UBAC2: variants seen among roughly 807,000 people sequenced by gnomAD.
UBAC2 encodes the protein UBA domain containing 2, also known as ubiquitin-associated domain-containing protein 2.
In UBAC2, 26 loss-of-function variants were observed where a neutral mutation model predicts 44.0. The observed-to-expected ratio is 0.59, with a 90% CI of 0.43 to 0.82. The LOEUF is 0.82. UBAC2 is among the 40% of genes least tolerant of loss of function. The probability of loss-of-function intolerance (pLI) is 0.00; values close to 1 mark genes in which losing one functional copy is unlikely to be tolerated. For synonymous variants in UBAC2, 155 were observed against 154.3 expected (o/e 1.00, Z -0.04); for missense variants, 329 against 419.4 (o/e 0.78, Z 1.88).
At chr13:99,365,922 T>A (rs184917189) in intron 7 of UBAC2, among the ~76,000 whole-genome samples, 4 of 152,348 alleles carry the variant, frequency 2.6e-5, no homozygotes, top group Non-Finnish European at 5.9e-5. Context: ...TTGTGTTACA[T>A]ATAAATATGA....
chr13:99,255,878 A>C (rs2043545649), intron 4 of UBAC2: 1 of 1,540,832 alleles, frequency 6.5e-7, no homozygotes, highest in Non-Finnish European at 8.7e-7. Flanking sequence ...ATCATTTTAC[A>C]GCTTGTTGGT....
intron 4 of UBAC2, among the ~76,000 whole-genome samples, chr13:99,304,991 G>A (rs1418183422): frequency 6.6e-6 from 1 of 152,208 alleles, no homozygotes; most frequent in Non-Finnish European, 1.5e-5. Flanking sequence ...AGGAAGAGAT[G>A]TTGATTCAAA....
In UBAC2 at chr13:99,385,656, A is replaced by G. The variant is rs1328248746; in HGVS notation, c.*321A>G. Reference sequence around the variant, plus strand: ...TGCAGGCAGTTGAATGGCACTCCAGATGGGGAATTGCTGTAACCCTCTTAC... The same window carrying G: ...TGCAGGCAGTTGAATGGCACTCCAGGTGGGGAATTGCTGTAACCCTCTTAC... On this transcript the variant is annotated 3_prime_UTR_variant, in exon 9 of 9. Transcript: ENST00000403766. 9.8e-6 allele frequency: 3 copies of G among 306,202 alleles called. No homozygotes were observed. Among genetic ancestry groups the G allele is most frequent in the Non-Finnish European group, 1.9e-5 (3 of 159,782 alleles). The allele number at this position is 306,202 out of a possible 1,614,324, so 19.0% of individuals were successfully genotyped here.
chr13:99,287,306 G>C (rs1274542972), intron 4 of UBAC2, among the ~76,000 whole-genome samples: 1 of 152,070 alleles, frequency 6.6e-6, no homozygotes, highest in Non-Finnish European at 1.5e-5. Flanking sequence ...CAGGTACCAG[G>C]TTTCAAGTAG....
At chr13:99,238,725 A>G (rs2043268121) in intron 2 of UBAC2, among the ~76,000 whole-genome samples, 171 bp downstream of exon 2, 1 of 152,200 alleles carries the variant, frequency 6.6e-6, no homozygotes, top group Non-Finnish European at 1.5e-5. Flanking sequence ...TTTCAGCAAA[A>G]CAGATAATAA....
chr13:99,329,907 T>C (rs1175739428), intron 6 of UBAC2, among the ~76,000 whole-genome samples: 1 of 152,186 alleles, frequency 6.6e-6, no homozygotes, highest in East Asian at 1.9e-4. Flanking sequence ...CACTGAGTCT[T>C]AGGTAATTTG....
chr13:99,385,128 T>G (rs2138940545), intron 8 of UBAC2, 100 bp from the exon 9 acceptor site: 1 of 884,158 alleles, frequency 1.1e-6, no homozygotes, highest in African/African-American at 1.7e-5. Flanking sequence ...TTGTAAACAG[T>G]TTTGACCTTT....
At chr13:99,272,712 T>C (rs948136099) in intron 4 of UBAC2, among the ~76,000 whole-genome samples, 1 of 152,142 alleles carries the variant, frequency 6.6e-6, no homozygotes, top group African/African-American at 2.4e-5. Flanking sequence ...AATCTCATCA[T>C]GGGGGCCCCA....
intron 4 of UBAC2, among the ~76,000 whole-genome samples, chr13:99,304,767 T>C (rs2044307408): frequency 6.6e-6 from 1 of 152,212 alleles, no homozygotes; most frequent in Admixed American, 6.5e-5. Flanking sequence ...ACCAAAGACC[T>C]AGCTGTTAAA....
chr13:99,255,126 G>A (rs1415179428), intron 4 of UBAC2: 1 of 1,614,024 alleles, frequency 6.2e-7, no homozygotes, highest in African/African-American at 1.3e-5. Context: ...CGAAACAGAT[G>A]TGGAAGGGCA....
intron 4 of UBAC2, among the ~76,000 whole-genome samples, chr13:99,266,668 C>T (rs2138656063): frequency 6.6e-6 from 1 of 152,152 alleles, no homozygotes; most frequent in South Asian, 2.1e-4. Context: ...GGCCTTAGAA[C>T]AAATTTGACA....
rs113696529 is a variant in UBAC2 at position 99,203,021 on chromosome 13, T to C, written c.31+2082T>C. ...GAGGGAGAAGTGATTTCCTTTGTTT[T>C]ATTTTATTTATTTATTTATTTATTT... On this transcript the variant is annotated intron_variant, in intron 1 of 8. Coordinates refer to ENST00000403766, the MANE Select transcript of UBAC2 (RefSeq NM_001144072.2). Among the ~76,000 whole-genome samples, 410 of 120,204 alleles carry C rather than the reference T, an allele frequency of 3.4e-3. 3 individuals are homozygous for C. Among genetic ancestry groups the C allele is most frequent in the African/African-American group, 0.012 (392 of 33,140 alleles). 78.9% of individuals were successfully genotyped at this position (120,204 alleles called of 152,430 possible). A position where few individuals can be genotyped will look rare whatever the true frequency, so the allele number is the denominator to read the frequency against.
At position 99,375,908 on chromosome 13, in the gene UBAC2, A is replaced by G. The variant is rs2045474181; in HGVS notation, c.927+8002A>G. ...AACCTCGACCTCCTGGGTTCAAGCC[A>G]TCCTCCCAACTCTGCCTCCTGAGTA... On this transcript the variant is annotated intron_variant, in intron 8 of 8. Transcript: ENST00000403766. 3.6e-5 allele frequency among the ~76,000 whole-genome samples: 5 copies of G among 140,158 alleles called. No individual in the cohort carries two copies. The South Asian group carries it at 1.1e-3, about 31-fold the overall frequency. The allele number at this position is 140,158 out of a possible 152,430, so 91.9% of individuals were successfully genotyped here.
chr13:99,201,377 T>G (rs2042795933), intron 1 of UBAC2: 1 of 1,591,170 alleles, frequency 6.3e-7, no homozygotes, highest in East Asian at 2.3e-5. Flanking sequence ...AAGTTCAGCC[T>G]CCGCTTTAGA....
intron 1 of UBAC2, among the ~76,000 whole-genome samples, chr13:99,210,146 A>C (rs559198018): frequency 6.6e-6 from 1 of 152,320 alleles, no homozygotes; most frequent in East Asian, 1.9e-4. Flanking sequence ...CATTTCATTT[A>C]ATTTATTCGT....
chr13:99,334,400 A>T (rs1387924570), intron 6 of UBAC2, among the ~76,000 whole-genome samples: 1 of 152,224 alleles, frequency 6.6e-6, no homozygotes, highest in Non-Finnish European at 1.5e-5. Context: ...TAAGCAAAAC[A>T]TCATTCAAAT....
At chr13:99,329,778 G>A (rs576448359) in intron 6 of UBAC2, among the ~76,000 whole-genome samples, 1 of 152,184 alleles carries the variant, frequency 6.6e-6, no homozygotes, top group Non-Finnish European at 1.5e-5. Flanking sequence ...GTGCAGATAG[G>A]CTGACACCTT....
chr13:99,205,039 G>GCATCACAC (rs2042852822), intron 1 of UBAC2, among the ~76,000 whole-genome samples: 1 of 151,764 alleles, frequency 6.6e-6, no homozygotes, highest in Non-Finnish European at 1.5e-5. Context: ...GAGTAGCAGG[G>GCATCACAC]ACTATAGGTG....
At chr13:99,209,183 A>G (rs2142650382) in intron 1 of UBAC2, among the ~76,000 whole-genome samples, 1 of 152,324 alleles carries the variant, frequency 6.6e-6, no homozygotes, top group South Asian at 2.1e-4. Context: ...CAGATTTAGC[A>G]CATGAAATAG....
Sources: allele counts gnomAD v4.1 joint callset (sites outside exome capture counted in the v4.1 genomes callset), GRCh38; gene constraint gnomAD v4.1.1; transcripts MANE v1.5; gene names NCBI Gene and HGNC (gene_info 2026-07-23, HGNC 2026-07-21).